The following CENPP variants were observed in gnomAD, a reference collection of about 807,000 sequenced individuals.
CENPP encodes centromere protein P.
Under a neutral mutation model 35.6 loss-of-function variants are expected in CENPP, and 24 were observed. The observed-to-expected ratio is 0.67, with a 90% confidence interval of 0.49 to 0.95. The LOEUF (loss-of-function observed/expected upper bound fraction) is 0.95, where lower values mean the gene tolerates loss of function less well. CENPP is among the 40% of genes least tolerant of loss of function. The pLI, the probability that CENPP is intolerant of heterozygous loss-of-function variation, is 0.00. For synonymous variants in CENPP, 120 were observed against 125.5 expected, an observed-to-expected ratio of 0.96 and a Z score of 0.29; for missense variants, 332 against 345.3, an observed-to-expected ratio of 0.96 and a Z score of 0.31.
At chr9:92,599,035 G>A (rs1181340192) in intron 5 of CENPP, among the ~76,000 whole-genome samples, 2 of 152,054 alleles carry the variant, frequency 1.3e-5, no homozygotes, top group Middle Eastern at 3.4e-3. Context: ...CAGAGGCGGA[G>A]GTTGCAGTGA....
chr9:92,613,055 C>T lies in CENPP; in HGVS notation c.773C>T (p.Ala258Val). 3.1e-6 allele frequency: 5 copies of T among 1,614,160 alleles called. No homozygotes were observed. The highest frequency in any genetic ancestry group is 4.2e-6 in the Non-Finnish European group (5 of 1,179,984). ...GACAAGAACAGAGCCATAGAAACTGCTCCTCTCAGCTTCCGAACCCTGGTA... is the reference window on the plus strand; with the variant it reads ...GACAAGAACAGAGCCATAGAAACTGTTCCTCTCAGCTTCCGAACCCTGGTA... ...ELDKNRAIET[A>V]PLSFRTLVGL... The change falls in exon 8 of 8, where the codon GCT becomes GTT. Residue 258 changes from alanine (A) to valine (V), a missense_variant. Transcript: ENST00000375587.
intron 4 of CENPP, among the ~76,000 whole-genome samples, chr9:92,361,440 C>CTTATT (rs200322873): frequency 0.025 from 2,828 of 111,704 alleles, 54 homozygotes; most frequent in South Asian, 0.06. Context: ...CGTACCTGGC[C>CTTATT]TTATTTTATT....
chr9:92,403,276 G>C (rs1843194062), intron 5 of CENPP: 1 of 1,604,600 alleles, frequency 6.2e-7, no homozygotes, highest in Admixed American at 1.7e-5. Context: ...CATAATCTTG[G>C]CTAAATATGG....
intron 3 of CENPP, among the ~76,000 whole-genome samples, chr9:92,338,857 CA>C (rs1465056393): frequency 2.6e-5 from 4 of 152,086 alleles, no homozygotes; most frequent in Non-Finnish European, 4.4e-5. Context: ...ACTGCTGAGA[CA>C]CAACAGAGGG....
intron 4 of CENPP, among the ~76,000 whole-genome samples, chr9:92,369,386 C>T (rs1189345366): frequency 6.6e-6 from 1 of 152,042 alleles, no homozygotes; most frequent in African/African-American, 2.4e-5. Flanking sequence ...GTATCTGGCC[C>T]TGGGGTGATT....
chr9:92,421,053 CTT>C (rs968117485), intron 5 of CENPP, among the ~76,000 whole-genome samples: 1 of 151,582 alleles, frequency 6.6e-6, no homozygotes, highest in African/African-American at 2.4e-5. Context: ...ATTAGCCTAA[CTT>C]TTTTTTTCTG....
Position 92,618,390 on chromosome 9 carries a change from C to T in CENPP, c.*5241C>T. 2.2e-6 allele frequency: 1 copy of T among 456,734 alleles called. No homozygotes were observed. The highest frequency in any genetic ancestry group is 1.5e-5 in the South Asian group (1 of 64,570). The allele number at this position is 456,734 out of a possible 1,614,324, so 28.3% of individuals were successfully genotyped here. On this transcript the variant is annotated 3_prime_UTR_variant, in exon 8 of 8. Coordinates refer to ENST00000375587, the MANE Select transcript of CENPP (RefSeq NM_001012267.3). ...CCCGCATGCTGGCTTTCCAATTTGA[C>T]ATCACTGACCAGGCACTAAGAGATT...
chr9:92,457,983 G>A (rs945178709), intron 5 of CENPP, among the ~76,000 whole-genome samples: 6 of 152,166 alleles, frequency 3.9e-5, no homozygotes, highest in Non-Finnish European at 8.8e-5. Context: ...CTCACAATTT[G>A]ATTGTGAAGA....
chr9:92,543,220 C>T (rs1849353093), intron 5 of CENPP, among the ~76,000 whole-genome samples: 1 of 152,054 alleles, frequency 6.6e-6, no homozygotes, highest in Non-Finnish European at 1.5e-5. Context: ...ACCTGTAATC[C>T]AAGCACTTTG....
At chr9:92,397,569 G>T (rs991018793) in intron 5 of CENPP, among the ~76,000 whole-genome samples, 1 of 152,050 alleles carries the variant, frequency 6.6e-6, no homozygotes, top group Non-Finnish European at 1.5e-5. Flanking sequence ...ACTTCAGGTG[G>T]TCCACCCGCC....
At chr9:92,415,136 C>T (rs1238201648) in intron 5 of CENPP, 4 of 1,584,100 alleles carry the variant, frequency 2.5e-6, no homozygotes, top group Non-Finnish European at 3.4e-6. Flanking sequence ...TAAGTGTATA[C>T]CTATATAGTT....
Position 92,416,822 on chromosome 9 carries a change from G to A in CENPP, c.564+36963G>A, listed in dbSNP as rs149148413. 2.5e-6 allele frequency: 4 copies of A among 1,613,882 alleles called. No homozygotes were observed. In the South Asian group the frequency reaches 4.4e-5, roughly 18 times the overall value. ...GTCGAAGTATTTTTCGGGTATAGAA[G>A]AAATTGAATTATTTTCTAAAGACAG... On this transcript the variant is annotated intron_variant, in intron 5 of 7. Transcript: ENST00000375587.
At chr9:92,352,510 C>CGTGTGT (rs71511616) in intron 4 of CENPP, among the ~76,000 whole-genome samples, 1 of 50,454 alleles carries the variant, frequency 2.0e-5, no homozygotes, top group Non-Finnish European at 3.3e-5. Context: ...TGTGTGTATA[C>CGTGTGT]ATATATATAT....
At chr9:92,343,580 G>A (rs1841186900) in intron 3 of CENPP, among the ~76,000 whole-genome samples, 1 of 152,150 alleles carries the variant, frequency 6.6e-6, no homozygotes, top group African/African-American at 2.4e-5. Flanking sequence ...AAGAAAATCT[G>A]TTTGATATTA....
At chr9:92,355,574 A>G (rs577712763) in intron 4 of CENPP, among the ~76,000 whole-genome samples, 6 of 152,362 alleles carry the variant, frequency 3.9e-5, no homozygotes, top group Non-Finnish European at 8.8e-5. Flanking sequence ...CTGAACAAAT[A>G]AGACTTCTGT....
chr9:92,409,960 G>C (rs10283718), intron 5 of CENPP, among the ~76,000 whole-genome samples: 38,425 of 151,894 alleles, frequency 0.25, 7,034 homozygotes, highest in African/African-American at 0.51. Flanking sequence ...GTTTTGAGAC[G>C]GAGTCTTGCT....
At chr9:92,418,604 T>C (rs1398174351) in intron 5 of CENPP, among the ~76,000 whole-genome samples, 2 of 152,224 alleles carry the variant, frequency 1.3e-5, no homozygotes, top group African/African-American at 2.4e-5. Context: ...CCTTTAATGA[T>C]GGTCACTGCC....
At chr9:92,448,515 T>C (rs1844611555) in intron 5 of CENPP, among the ~76,000 whole-genome samples, 1 of 151,854 alleles carries the variant, frequency 6.6e-6, no homozygotes, top group Non-Finnish European at 1.5e-5. Flanking sequence ...TAGGGGTTTT[T>C]CAAAGGCAGT....
chr9:92,416,962 A>G (rs1345499290), intron 5 of CENPP: 2 of 1,614,026 alleles, frequency 1.2e-6, no homozygotes, highest in Middle Eastern at 1.7e-4. Flanking sequence ...GCAGAGAATC[A>G]TGAAGATAAT....
Sources: gnomAD v4.1 joint callset for allele counts (sites outside exome capture counted in the v4.1 genomes callset) on GRCh38, gnomAD v4.1.1 for gene constraint, MANE v1.5 for transcripts, NCBI Gene and HGNC (gene_info 2026-07-23, HGNC 2026-07-21) for gene names.